BBS9: variants seen among roughly 807,000 people sequenced by gnomAD.
BBS9 encodes Bardet-Biedl syndrome 9, also known as protein PTHB1.
Under a neutral mutation model 117.7 loss-of-function variants are expected in BBS9, and 89 were observed. The ratio of observed to expected loss-of-function variants is 0.76; its 90% confidence interval spans 0.64 to 0.90. The LOEUF (loss-of-function observed/expected upper bound fraction) is 0.90, where lower values mean the gene tolerates loss of function less well. Ranked by LOEUF, BBS9 falls within the 40% of genes least tolerant of loss-of-function variation. BBS9 has a pLI of 0.00. For missense variants in BBS9, 982 were observed against 1,042.2 expected, an observed-to-expected ratio of 0.94 and a Z score of 0.80; for synonymous variants, 379 against 370.9, an observed-to-expected ratio of 1.02 and a Z score of -0.25.
intron 21 of BBS9, among the ~76,000 whole-genome samples, chr7:33,555,301 C>A (rs1039741790): frequency 6.6e-6 from 1 of 152,270 alleles, no homozygotes; most frequent in South Asian, 2.1e-4. Context: ...TCTTCTTTAT[C>A]TTGAACACTT....
intron 9 of BBS9, among the ~76,000 whole-genome samples, chr7:33,284,678 T>G (rs1802549879): frequency 6.6e-6 from 1 of 152,210 alleles, no homozygotes; most frequent in African/African-American, 2.4e-5. Flanking sequence ...GGTTGGCTAC[T>G]TATTTTCTGT....
At chr7:33,192,642 T>G (rs1004025570) in intron 5 of BBS9, among the ~76,000 whole-genome samples, 1 of 152,234 alleles carries the variant, frequency 6.6e-6, no homozygotes, top group Non-Finnish European at 1.5e-5. Context: ...AGTAGTGTCC[T>G]AGTCCATTTG....
chr7:33,349,262 A>C, intron 13 of BBS9, 92 bp downstream of exon 13: 1 of 916,276 alleles, frequency 1.1e-6, no homozygotes, highest in Non-Finnish European at 1.8e-6. Flanking sequence ...TTCATGTCTG[A>C]ATGGTGAGAT....
chr7:33,465,365 G>A (rs1840015200), intron 19 of BBS9, among the ~76,000 whole-genome samples: 1 of 151,568 alleles, frequency 6.6e-6, no homozygotes, highest in Non-Finnish European at 1.5e-5. Context: ...GTGGAGTTGT[G>A]GTGGGTGGGG....
chr7:33,394,073 A>T (rs1827536411), intron 19 of BBS9, among the ~76,000 whole-genome samples: 1 of 152,176 alleles, frequency 6.6e-6, no homozygotes, highest in South Asian at 2.1e-4. Flanking sequence ...GGCCAACCTA[A>T]GGTTGAAGCA....
chr7:33,383,360 T>C (rs909602042), intron 17 of BBS9, among the ~76,000 whole-genome samples: 3 of 152,162 alleles, frequency 2.0e-5, no homozygotes. Flanking sequence ...ACAGGCCTTT[T>C]TAAAGGACCC....
chr7:33,361,840 T>G (rs1234906236), intron 16 of BBS9, among the ~76,000 whole-genome samples: 1 of 152,176 alleles, frequency 6.6e-6, no homozygotes, highest in Non-Finnish European at 1.5e-5. Context: ...TATACACTTT[T>G]GTTCTCAAAC....
At chr7:33,195,176 C>A (rs1205980246) in intron 5 of BBS9, among the ~76,000 whole-genome samples, 1 of 152,146 alleles carries the variant, frequency 6.6e-6, no homozygotes, top group Non-Finnish European at 1.5e-5. Flanking sequence ...TTGTTCATCA[C>A]TGCATATCTA....
intron 19 of BBS9, among the ~76,000 whole-genome samples, chr7:33,429,278 T>G (rs1470417002): frequency 6.6e-6 from 1 of 151,838 alleles, no homozygotes; most frequent in East Asian, 1.9e-4. Context: ...GCTTTTGCCT[T>G]GAAATAAAAA....
At chr7:33,256,934 A>G (rs985442838) in intron 5 of BBS9, among the ~76,000 whole-genome samples, 3 of 152,112 alleles carry the variant, frequency 2.0e-5, no homozygotes, top group African/African-American at 7.2e-5. Flanking sequence ...TCAGTTTTCT[A>G]TGATAAACTG....
intron 6 of BBS9, among the ~76,000 whole-genome samples, chr7:33,261,301 T>G (rs897754364): frequency 2.0e-5 from 3 of 152,182 alleles, no homozygotes; most frequent in Non-Finnish European, 4.4e-5. Context: ...TTGACTAAGC[T>G]CAGTGCTCCT....
At chr7:33,223,756 A>G (rs997394410) in intron 5 of BBS9, among the ~76,000 whole-genome samples, 1 of 151,804 alleles carries the variant, frequency 6.6e-6, no homozygotes, top group Non-Finnish European at 1.5e-5. Flanking sequence ...TCTGTGCCTG[A>G]TAGAACTTGT....
chr7:33,480,866 G>C lies in BBS9; in HGVS notation c.2116-24597G>C, dbSNP rs957142645. Among the ~76,000 whole-genome samples the C allele has an allele frequency of 3.3e-5, 5 of 152,274 alleles. 1 individual carries two copies. In the Middle Eastern group the frequency reaches 0.014, roughly 414 times the overall value. On this transcript the variant is annotated intron_variant, in intron 19 of 22. Transcript: ENST00000242067. ...AGGCAGTTTCTCATGATGTTCTCAT[G>C]ATAGTGAGTTCTCAGGAGAGCTGAT...
At chr7:33,344,876 A>G (rs1025337298) in intron 12 of BBS9, among the ~76,000 whole-genome samples, 5 of 152,210 alleles carry the variant, frequency 3.3e-5, no homozygotes, top group African/African-American at 1.2e-4. Flanking sequence ...AAGTACTGTT[A>G]CCATTATTTA....
intron 4 of BBS9, among the ~76,000 whole-genome samples, chr7:33,160,720 C>G (rs1794716566): frequency 6.6e-6 from 1 of 152,068 alleles, no homozygotes; most frequent in African/African-American, 2.4e-5. Context: ...ATTATTAACT[C>G]AAAATTTCAA....
In BBS9 at chr7:33,253,010, A is replaced by G. The variant is rs1185843229; in HGVS notation, c.443-4226A>G. ...TGAGTTACACATCTTGCACCACTTT[A>G]CCATAAATACGTCAGCACACATCTC... On this transcript the variant is annotated intron_variant, in intron 5 of 22. Transcript: ENST00000242067. 4.6e-5 allele frequency among the ~76,000 whole-genome samples: 7 copies of G among 152,162 alleles called. No individual in the cohort carries two copies. In the East Asian group the frequency reaches 9.6e-4, roughly 21 times the overall value.
At chr7:33,483,376 C>G (rs1029452119) in intron 19 of BBS9, among the ~76,000 whole-genome samples, 44 of 152,164 alleles carry the variant, frequency 2.9e-4, no homozygotes, top group African/African-American at 1.1e-3. Context: ...TTTCACGTGG[C>G]TCTGTTCAAT....
At chr7:33,460,357 G>C (rs183500679) in intron 19 of BBS9, among the ~76,000 whole-genome samples, 117 of 152,070 alleles carry the variant, frequency 7.7e-4, no homozygotes, top group African/African-American at 2.7e-3. Context: ...TGTCTTCTAT[G>C]CCCATAATTG....
At chr7:33,412,818 T>C (rs1359680174) in intron 19 of BBS9, among the ~76,000 whole-genome samples, 1 of 152,238 alleles carries the variant, frequency 6.6e-6, no homozygotes, top group Non-Finnish European at 1.5e-5. Flanking sequence ...AGCATGTTTT[T>C]CATGAGCCTG....
Sources: gnomAD v4.1 joint callset for allele counts (sites outside exome capture counted in the v4.1 genomes callset) on GRCh38, gnomAD v4.1.1 for gene constraint, MANE v1.5 for transcripts, NCBI Gene and HGNC (gene_info 2026-07-23, HGNC 2026-07-21) for gene names.